The following IL1RAPL2 variants were observed in gnomAD, a reference collection of about 807,000 sequenced individuals.
The protein encoded by IL1RAPL2 is X-linked interleukin-1 receptor accessory protein-like 2.
A neutral mutation model predicts 44.1 loss-of-function variants in IL1RAPL2; 3 were observed. The ratio of observed to expected loss-of-function variants is 0.07; its 90% CI spans 0.03 to 0.18. The LOEUF (loss-of-function observed/expected upper bound fraction) is 0.18, where lower values mean the gene tolerates loss of function less well. IL1RAPL2 is among the 10% of genes least tolerant of loss of function. The pLI is 1.00. For missense variants in IL1RAPL2, 391 were observed against 496.4 expected (o/e 0.79, Z 2.02); for synonymous variants, 181 against 178.8 (o/e 1.01, Z -0.10).
chrX:104,733,487 G>T (rs1277058950), intron 2 of IL1RAPL2, among the ~76,000 whole-genome samples: 1 of 109,462 alleles, frequency 9.1e-6, no homozygotes. Flanking sequence ...CGGGGTAGTG[G>T]CATGCACCTG....
intron 2 of IL1RAPL2, among the ~76,000 whole-genome samples, chrX:105,065,321 A>C (rs895528218): frequency 9.0e-6 from 1 of 111,704 alleles, no homozygotes; most frequent in Non-Finnish European, 1.9e-5. Context: ...CTGTGGTTAC[A>C]AAAACGTCTC....
chrX:105,294,237 G>T (rs746552439), intron 5 of IL1RAPL2, among the ~76,000 whole-genome samples: 1 of 112,005 alleles, frequency 8.9e-6, no homozygotes, highest in Non-Finnish European at 1.9e-5. Context: ...TCAGAAATAA[G>T]CCTGTTCTGT....
At chrX:105,527,374 A>C (rs180957110) in intron 6 of IL1RAPL2, among the ~76,000 whole-genome samples, 1 of 110,280 alleles carries the variant, frequency 9.1e-6, no homozygotes, top group Admixed American at 9.7e-5. Flanking sequence ...ATAAGTCACA[A>C]ATGTGGCTTG....
chrX:104,891,169 G>A (rs1432821018), intron 2 of IL1RAPL2, among the ~76,000 whole-genome samples: 1 of 111,320 alleles, frequency 9.0e-6, no homozygotes, highest in Non-Finnish European at 1.9e-5. Flanking sequence ...TCTCTGTTTT[G>A]GTACCAGTAC....
chrX:104,963,427 G>A (rs1264121737), intron 2 of IL1RAPL2, among the ~76,000 whole-genome samples: 1 of 111,845 alleles, frequency 8.9e-6, no homozygotes, highest in Non-Finnish European at 1.9e-5. Context: ...GGAAAGTTGA[G>A]TATGTCCTGC....
intron 2 of IL1RAPL2, among the ~76,000 whole-genome samples, chrX:104,884,168 G>A (rs1923161946): frequency 9.0e-6 from 1 of 111,175 alleles, no homozygotes; most frequent in African/African-American, 3.3e-5. Context: ...ATTTTTCTCG[G>A]TCCTCTTTGT....
At chrX:105,553,699 C>T (rs944511465) in intron 6 of IL1RAPL2, among the ~76,000 whole-genome samples, 4 of 111,829 alleles carry the variant, frequency 3.6e-5, no homozygotes, top group Admixed American at 9.5e-5. Context: ...TAAAACAAAA[C>T]GTTTCATGTA....
chrX:105,363,546 A>C (rs1294890542), intron 5 of IL1RAPL2, among the ~76,000 whole-genome samples: 1 of 107,412 alleles, frequency 9.3e-6, no homozygotes, highest in Non-Finnish European at 1.9e-5. Context: ...GGCTGTAATA[A>C]TTTACATTCC....
intron 2 of IL1RAPL2, among the ~76,000 whole-genome samples, chrX:104,838,926 T>G (rs1402950527): frequency 2.0e-5 from 2 of 99,685 alleles, no homozygotes; most frequent in African/African-American, 7.4e-5. Context: ...CTTGACTCAC[T>G]GCAATCTCTG....
At chrX:105,355,092 C>T (rs1285708276) in intron 5 of IL1RAPL2, among the ~76,000 whole-genome samples, 1 of 111,771 alleles carries the variant, frequency 8.9e-6, no homozygotes, top group African/African-American at 3.2e-5. Flanking sequence ...CCCTGTGTCT[C>T]CTTGTTCCAC....
At chrX:105,730,440 C>T (rs1236722274) in intron 7 of IL1RAPL2, among the ~76,000 whole-genome samples, 1 of 111,011 alleles carries the variant, frequency 9.0e-6, no homozygotes, top group Non-Finnish European at 1.9e-5. Flanking sequence ...ACTCCACTCT[C>T]AAAAATAAAT....
chrX:104,822,736 TG>T (rs1186184516), intron 2 of IL1RAPL2, among the ~76,000 whole-genome samples: 7 of 112,304 alleles, frequency 6.2e-5, no homozygotes, highest in African/African-American at 2.3e-4. Context: ...CTTGTCTATA[TG>T]GGATCTTTTT....
intron 6 of IL1RAPL2, among the ~76,000 whole-genome samples, chrX:105,542,540 G>T (rs943264641): frequency 1.8e-5 from 2 of 111,014 alleles, no homozygotes; most frequent in African/African-American, 6.5e-5. Flanking sequence ...AAATCTCTTT[G>T]CAGTTTTTTG....
intron 4 of IL1RAPL2, among the ~76,000 whole-genome samples, chrX:105,253,567 CT>C (rs755303225): frequency 4.6e-5 from 5 of 109,651 alleles, no homozygotes; most frequent in Admixed American, 2.0e-4. Context: ...TTTTTTTTAA[CT>C]TTTATTTTAG....
intron 1 of IL1RAPL2, among the ~76,000 whole-genome samples, chrX:104,632,179 C>G (rs968810960): frequency 2.7e-5 from 3 of 111,291 alleles, no homozygotes; most frequent in Non-Finnish European, 5.7e-5. Flanking sequence ...TCTGAGGGCT[C>G]TGTTCTGTTC....
At chrX:105,452,436 A>G (rs183535167) in intron 5 of IL1RAPL2, among the ~76,000 whole-genome samples, 85 of 111,844 alleles carry the variant, frequency 7.6e-4, no homozygotes, top group African/African-American at 2.7e-3. Context: ...TAATTTAGGA[A>G]CACTGCCTAT....
chrX:104,648,782 C>A (rs962536863), intron 1 of IL1RAPL2, among the ~76,000 whole-genome samples: 1 of 111,662 alleles, frequency 9.0e-6, no homozygotes, highest in African/African-American at 3.3e-5. Context: ...GAACTCAATA[C>A]CTTTCCATAT....
chrX:105,682,113 C>T (rs868299314), intron 6 of IL1RAPL2, among the ~76,000 whole-genome samples: 1 of 111,229 alleles, frequency 9.0e-6, no homozygotes, highest in Non-Finnish European at 1.9e-5. Context: ...GATAGTTAAG[C>T]CTGCCGAAAA....
chrX:104,916,437 G>T (rs899668867), intron 2 of IL1RAPL2, among the ~76,000 whole-genome samples: 1 of 111,879 alleles, frequency 8.9e-6, no homozygotes, highest in Admixed American at 9.5e-5. Flanking sequence ...GAGATTTGCT[G>T]AAGTTGCTTA....
Sources: gnomAD v4.1 joint callset for allele counts (sites outside exome capture counted in the v4.1 genomes callset) on GRCh38, gnomAD v4.1.1 for gene constraint, MANE v1.5 for transcripts, NCBI Gene and HGNC (gene_info 2026-07-23, HGNC 2026-07-21) for gene names.